DHX35: variants seen among roughly 807,000 people sequenced by gnomAD.
The protein encoded by DHX35 is DEAH-box helicase 35, also known as probable ATP-dependent RNA helicase DHX35.
DHX35 carries 84 observed loss-of-function variants against 99.6 expected under a neutral mutation model. The observed-to-expected ratio is 0.84, with a 90% confidence interval of 0.71 to 1.01. DHX35 has a LOEUF of 1.01. Among genes scored for constraint, DHX35 ranks in the 50% least tolerant of loss-of-function variants. The pLI is 0.00. For missense variants in DHX35, 852 were observed against 888.5 expected (o/e 0.96, Z 0.52); for synonymous variants, 331 against 316.2 (o/e 1.05, Z -0.50).
intron 5 of DHX35, among the ~76,000 whole-genome samples, chr20:38,990,116 A>G (rs1046094469): frequency 3.9e-5 from 6 of 152,204 alleles, no homozygotes; most frequent in African/African-American, 1.4e-4. Flanking sequence ...GCTAATTTTC[A>G]GTGGTTTGCA....
At chr20:39,023,868 A>G in intron 17 of DHX35, 101 bp downstream of exon 17, 1 of 957,734 alleles carries the variant, frequency 1.0e-6, no homozygotes. Context: ...AGGAATGTCC[A>G]AGAGAGCCCT....
chr20:39,007,550 G>T (rs74917948), intron 12 of DHX35, among the ~76,000 whole-genome samples: 3,088 of 152,314 alleles, frequency 0.02, 114 homozygotes, highest in African/African-American at 0.07. Flanking sequence ...CTAGAAGCTG[G>T]TGTTATCCTT....
chr20:39,026,238 C>T (rs775979403), intron 18 of DHX35, among the ~76,000 whole-genome samples: 4 of 152,290 alleles, frequency 2.6e-5, no homozygotes, highest in African/African-American at 7.2e-5. Flanking sequence ...CGCTGTGAAA[C>T]GTGTGCTCTT....
chr20:39,037,391 T>C (rs2087171767), intron 21 of DHX35, among the ~76,000 whole-genome samples: 1 of 152,250 alleles, frequency 6.6e-6, no homozygotes, highest in Admixed American at 6.5e-5. Context: ...GAGCCTGTAG[T>C]AGTCCTCCCT....
intron 3 of DHX35, among the ~76,000 whole-genome samples, chr20:38,975,548 T>C (rs1413303098): frequency 6.6e-6 from 1 of 152,184 alleles, no homozygotes; most frequent in Non-Finnish European, 1.5e-5. Context: ...GGTTATGGAA[T>C]ATAGAACAGA....
chr20:38,983,873 C>A, intron 4 of DHX35, 97 bp downstream of exon 4: 1 of 1,050,878 alleles, frequency 9.5e-7, no homozygotes, highest in South Asian at 1.5e-5. Context: ...AGAAGTTGCT[C>A]CTTAAGAGTT....
chr20:38,994,786 C>T, intron 7 of DHX35, 35 bp from the exon 8 acceptor site: 1 of 1,541,802 alleles, frequency 6.5e-7, no homozygotes, highest in Middle Eastern at 1.7e-4. Flanking sequence ...AAGTGTTGCA[C>T]TATTATCATT....
chr20:39,019,849 C>A (rs1207642165), intron 15 of DHX35, among the ~76,000 whole-genome samples: 2 of 152,200 alleles, frequency 1.3e-5, no homozygotes, highest in Non-Finnish European at 2.9e-5. Flanking sequence ...AAACTTTGTA[C>A]CCTTTGATCA....
At chr20:38,984,918 T>G (rs1013287336) in intron 4 of DHX35, among the ~76,000 whole-genome samples, 7 of 151,998 alleles carry the variant, frequency 4.6e-5, no homozygotes, top group African/African-American at 1.5e-4. Flanking sequence ...TTAATATGCT[T>G]GAGAATGTTC....
intron 8 of DHX35, among the ~76,000 whole-genome samples, chr20:38,999,444 T>G (rs1423934348): frequency 6.6e-6 from 1 of 152,182 alleles, no homozygotes; most frequent in African/African-American, 2.4e-5. Flanking sequence ...CACACCAGCC[T>G]TAGCTGTCTG....
intron 15 of DHX35, 141 bp downstream of exon 15, chr20:39,019,040 T>C: frequency 2.7e-6 from 2 of 733,872 alleles, no homozygotes; most frequent in Non-Finnish European, 2.2e-6. Context: ...TTTATTGTTT[T>C]AACCATTTTA....
chr20:38,969,553 A>G (rs1426243306), intron 2 of DHX35, among the ~76,000 whole-genome samples: 1 of 152,206 alleles, frequency 6.6e-6, no homozygotes, highest in African/African-American at 2.4e-5. Context: ...GATTACCAAC[A>G]TATGGCCAAT....
At chr20:39,033,343 G>C (rs1281390401) in intron 20 of DHX35, among the ~76,000 whole-genome samples, 1 of 152,130 alleles carries the variant, frequency 6.6e-6, no homozygotes, top group Non-Finnish European at 1.5e-5. Context: ...AAGGAGAAAG[G>C]CTTTTCTTTT....
chr20:39,001,934 G>A, intron 9 of DHX35, 92 bp downstream of exon 9: 1 of 966,762 alleles, frequency 1.0e-6, no homozygotes. Context: ...CAACTCTAAA[G>A]GATGGGGAGG....
chr20:38,968,018 C>G (rs1038139189), intron 1 of DHX35, among the ~76,000 whole-genome samples: 1 of 152,162 alleles, frequency 6.6e-6, no homozygotes, highest in Non-Finnish European at 1.5e-5. Context: ...ATGACCACTT[C>G]ATGCACCAAG....
intron 14 of DHX35, among the ~76,000 whole-genome samples, chr20:39,015,673 G>T (rs1447848099): frequency 6.6e-6 from 1 of 151,820 alleles, no homozygotes; most frequent in East Asian, 1.9e-4. Flanking sequence ...TTTTTTTTAA[G>T]TAGCTGTATT....
At chr20:38,986,949 G>T (rs1339846327) in intron 4 of DHX35, among the ~76,000 whole-genome samples, 2 of 152,216 alleles carry the variant, frequency 1.3e-5, no homozygotes, top group Non-Finnish European at 2.9e-5. Flanking sequence ...GCCTAGCTCA[G>T]AAGCTGAGGG....
chr20:39,017,560 T>TA (rs553097458), intron 14 of DHX35, among the ~76,000 whole-genome samples: 1 of 151,682 alleles, frequency 6.6e-6, no homozygotes, highest in Non-Finnish European at 1.5e-5. Context: ...ACCCCCCGCC[T>TA]CCCCCCGCCA....
chr20:39,034,235 C>T lies in DHX35; in HGVS notation c.1985C>T (p.Ser662Phe). The T allele has an allele frequency of 6.2e-7, 1 of 1,614,124 alleles. No individual in the cohort carries two copies. The highest frequency in any genetic ancestry group is 8.5e-7 in the Non-Finnish European group (1 of 1,180,026). Reference protein sequence around the residue: ...WVIYNEVIQTSKYYMRDVTAI... With the variant: ...WVIYNEVIQTFKYYMRDVTAI... ...ATCTATAACGAAGTTATACAGACCT[C>T]CAAGTACTACATGAGAGATGTGACT... Residue 662 changes from serine to phenylalanine, a missense_variant, in exon 21 of 22, where the codon TCC becomes TTC. Physicochemically the swap from Ser to Phe is radical, Grantham distance 155. Transcript: ENST00000252011.
Sources: gnomAD v4.1 joint callset for allele counts (sites outside exome capture counted in the v4.1 genomes callset) on GRCh38, gnomAD v4.1.1 for gene constraint, MANE v1.5 for transcripts, NCBI Gene and HGNC (gene_info 2026-07-23, HGNC 2026-07-21) for gene names.